Variants in UNC80 observed in about 807,000 individuals in gnomAD.
UNC80 encodes the protein unc-80 subunit of NALCN channel complex.
In UNC80, 164 loss-of-function variants were observed where a neutral mutation model predicts 384.6. That is an observed-to-expected ratio of 0.43 (90% CI 0.38 to 0.49). UNC80 has a LOEUF of 0.49. Ranked by LOEUF, UNC80 falls within the 20% of genes least tolerant of loss-of-function variation. The pLI, the probability that UNC80 is intolerant of heterozygous loss-of-function variation, is 0.00. For missense variants in UNC80, 3,330 were observed against 4,143.0 expected (o/e 0.80, Z 5.39); for synonymous variants, 1,486 against 1,527.8 (o/e 0.97, Z 0.64).
At chr2:209,772,439 G>A (rs1056191365) in intron 1 of UNC80, among the ~76,000 whole-genome samples, 2 of 152,056 alleles carry the variant, frequency 1.3e-5, no homozygotes, top group African/African-American at 2.4e-5. Context: ...CAGAGAGCCT[G>A]GGAAGAGGGG....
At chr2:209,928,101 T>G (rs937337742) in intron 36 of UNC80, among the ~76,000 whole-genome samples, 3 of 152,160 alleles carry the variant, frequency 2.0e-5, no homozygotes, top group Admixed American at 1.3e-4. Flanking sequence ...TTTGGAAGGC[T>G]GAGGCAGGCA....
chr2:209,809,789 C>T (rs1249109316), intron 7 of UNC80, among the ~76,000 whole-genome samples: 1 of 152,338 alleles, frequency 6.6e-6, no homozygotes, highest in East Asian at 1.9e-4. Flanking sequence ...CTTCAGTGGA[C>T]TCTGAAAGAG....
intron 24 of UNC80, among the ~76,000 whole-genome samples, chr2:209,879,366 A>G (rs955270846): frequency 2.4e-4 from 37 of 152,162 alleles, no homozygotes; most frequent in African/African-American, 8.9e-4. Context: ...AGGCCAAAAC[A>G]ACTTGAATCT....
At chr2:209,994,390 T>C (rs1252845674) in intron 64 of UNC80, 126 bp downstream of exon 64, 2 of 789,868 alleles carry the variant, frequency 2.5e-6, no homozygotes, top group Non-Finnish European at 3.8e-6. Flanking sequence ...TCCAAACAGA[T>C]ACTGCTCCTG....
intron 58 of UNC80, among the ~76,000 whole-genome samples, chr2:209,977,493 C>T (rs1291707732): frequency 6.6e-6 from 1 of 152,026 alleles, no homozygotes; most frequent in African/African-American, 2.4e-5. Context: ...TATACAAATA[C>T]CTTCAAGGTA....
At chr2:209,905,345 C>CA (rs935838013) in intron 29 of UNC80, among the ~76,000 whole-genome samples, 2 of 152,118 alleles carry the variant, frequency 1.3e-5, no homozygotes, top group African/African-American at 4.8e-5. Flanking sequence ...GAAAATTTTA[C>CA]AGTGGGCATC....
chr2:209,941,211 G>A lies in UNC80; in HGVS notation c.6647-10G>A, dbSNP rs1020285025. The A allele has an allele frequency of 1.3e-5, 19 of 1,491,904 alleles. No homozygotes were observed. The African/African-American group carries it at 2.4e-4, about 19-fold the overall frequency. 92.4% of individuals were successfully genotyped at this position (1,491,904 alleles called of 1,614,324 possible). A position where few individuals can be genotyped will look rare whatever the true frequency, so the allele number is the denominator to read the frequency against. On this transcript the variant is annotated splice_polypyrimidine_tract_variant and intron_variant, in intron 43 of 64. Coordinates refer to ENST00000673920, the MANE Select transcript of UNC80 (RefSeq NM_001371986.1). ...GCTAATTCTGTCTCTGCTGTTTCAT[G>A]TTCTCACAGCTGGAAAGGAACTGTT...
At chr2:209,838,834 G>A (rs899836506) in intron 18 of UNC80, among the ~76,000 whole-genome samples, 4 of 152,090 alleles carry the variant, frequency 2.6e-5, no homozygotes, top group Non-Finnish European at 5.9e-5. Flanking sequence ...GGTGGCATAC[G>A]CCTGTAGTCC....
rs566009884 is a variant in UNC80 at position 209,978,926 on chromosome 2, A to T, written c.9118+218A>T. ...TTGGTCATTTAAAAAGAATTCAGGG[A>T]AAAAGTAAATATGAATTTGAATACA... On this transcript the variant is annotated intron_variant, in intron 59 of 64. Coordinates refer to ENST00000673920, the MANE Select transcript of UNC80 (RefSeq NM_001371986.1). Among the ~76,000 whole-genome samples the T allele has an allele frequency of 2.6e-5, 4 of 152,350 alleles. No homozygotes were observed. In the South Asian group the frequency reaches 8.3e-4, roughly 32 times the overall value.
chr2:209,781,587 T>A (rs1352866719), intron 4 of UNC80, among the ~76,000 whole-genome samples: 3 of 152,206 alleles, frequency 2.0e-5, no homozygotes, highest in African/African-American at 7.2e-5. Flanking sequence ...TGGTTCTTCT[T>A]GCATCTCTGA....
chr2:209,901,374 C>T (rs1478999796), intron 28 of UNC80, among the ~76,000 whole-genome samples: 3 of 152,026 alleles, frequency 2.0e-5, no homozygotes, highest in South Asian at 2.1e-4. Context: ...AAATAAAGCC[C>T]GGATGACAGC....
At chr2:209,808,951 C>G (rs1458292611) in intron 7 of UNC80, 1 of 314,872 alleles carries the variant, frequency 3.2e-6, no homozygotes, top group Non-Finnish European at 6.1e-6. Flanking sequence ...GCTGCCAACA[C>G]TCATCTGGGA....
At chr2:209,982,453 G>C in intron 60 of UNC80, 136 bp downstream of exon 60, 1 of 1,145,094 alleles carries the variant, frequency 8.7e-7, no homozygotes, top group South Asian at 2.7e-5. Flanking sequence ...ATTCCACAAA[G>C]GATTTGTCAA....
chr2:209,959,626 C>T lies in UNC80; in HGVS notation c.7724C>T (p.Pro2575Leu). ...ACTGAGTTCTATAAGCACTGTGGGC[C>T]ACGGCTGAAGATCTTGCAAAATCTG... is the stretch of plus-strand genomic sequence containing the variant. ...ICTEFYKHCG[P>L]RLKILQNLAG... The change falls in exon 51 of 65, where the codon CCA (proline) becomes CTA (leucine). Residue 2575 changes from proline (P) to leucine (L), a missense_variant. Pro to Leu is a moderately conservative substitution (Grantham distance 98). Around this residue, in one of 8 missense-constraint regions of UNC80, gnomAD observed 1,049 missense variants for 1,488.6 expected, o/e 0.70. Coordinates refer to ENST00000673920, the MANE Select transcript of UNC80 (RefSeq NM_001371986.1). 5 of 1,551,660 alleles carry T rather than the reference C, an allele frequency of 3.2e-6. No homozygotes were observed. The highest frequency in any genetic ancestry group is 4.4e-6 in the Non-Finnish European group (5 of 1,146,988).
Position 209,834,126 on chromosome 2 carries a change from T to G in UNC80, c.2900T>G (p.Val967Gly), listed in dbSNP as rs999727583. The change falls in exon 17 of 65, where the codon GTG (valine) becomes GGG (glycine). Residue 967 changes from valine to glycine, a missense_variant. Physicochemically the swap from Val to Gly is moderately radical, Grantham distance 109 (BLOSUM62 -3). Coordinates refer to ENST00000673920, the MANE Select transcript of UNC80 (RefSeq NM_001371986.1). Reference sequence around the variant, plus strand: ...GAGAAGTTAGCACCAGGGAAAAAGGTGGAGGAGAATGAACAGGAATCTAAG... The same window carrying G: ...GAGAAGTTAGCACCAGGGAAAAAGGGGGAGGAGAATGAACAGGAATCTAAG... ...SAEKLAPGKK[V>G]EENEQESKPA... 1.8e-5 allele frequency: 28 copies of G among 1,551,178 alleles called. No individual in the cohort carries two copies. The highest frequency in any genetic ancestry group is 2.3e-5 in the Non-Finnish European group (26 of 1,146,910).
At position 209,978,628 on chromosome 2, in the gene UNC80, C is replaced by T. The variant is rs1397804759; in HGVS notation, c.9038C>T (p.Thr3013Ile). 26 of 1,551,486 alleles carry T rather than the reference C, an allele frequency of 1.7e-5. 1 individual carries two copies. Among genetic ancestry groups the T allele is most frequent in the Admixed American group, 3.9e-5 (2 of 50,976 alleles). The part of the protein sequence containing the change: ...TMSRSNTGTG[T>I]VWEQDSEPSQ... ...TCCCGCTCTAACACGGGCACGGGCA[C>T]TGTCTGGGAGCAGGACAGTGAGCCA... Residue 3013 changes from threonine (T) to isoleucine (I), a missense_variant, in exon 59 of 65, where the codon ACT becomes ATT. Physicochemically the swap from Thr to Ile is moderately conservative, Grantham distance 89. This residue lies in a region of UNC80 where 216 missense variants were observed against 245.3 expected (regional missense o/e 0.88). Transcript: ENST00000673920.
chr2:209,965,934 C>CAAA lies in UNC80; in HGVS notation c.7806-1488_7806-1486dup, dbSNP rs112429893. Among the ~76,000 whole-genome samples, 253 of 125,818 alleles carry CAAA rather than the reference C, an allele frequency of 2.0e-3. 1 individual carries two copies. The highest frequency in any genetic ancestry group is 6.8e-3 in the African/African-American group (241 of 35,372). The allele number at this position is 125,818 out of a possible 152,430, so 82.5% of individuals were successfully genotyped here. A position where few individuals can be genotyped will look rare whatever the true frequency, so the allele number is the denominator to read the frequency against. On this transcript the variant is annotated intron_variant, in intron 51 of 64. Transcript: ENST00000673920. ...GAGCTTTTCCAGTACAAACTTGTCT[C>CAAA]AAAAAAAAAAAAAAAAATCTTATTT... is the stretch of plus-strand genomic sequence containing the variant.
rs2093032018 is a variant in UNC80, at chr2:209,977,043, TA to T, written c.8908del (p.Ile2970PhefsTer2). The T allele has an allele frequency of 6.6e-7, 1 of 1,522,404 alleles. No individual in the cohort carries two copies. The highest frequency in any genetic ancestry group is 1.4e-5 in the African/African-American group (1 of 72,754). The allele number at this position is 1,522,404 out of a possible 1,614,324, so 94.3% of individuals were successfully genotyped here. On this transcript the variant is annotated frameshift_variant, in exon 58 of 65. Coordinates refer to ENST00000673920, the MANE Select transcript of UNC80 (RefSeq NM_001371986.1). LOFTEE classifies it high-confidence loss of function. ...SSLIAEFNSE[L>X]KILKEAVHSG... The stretch of plus-strand genomic sequence containing the variant: ...CTCATTGCTGAGTTCAACAGTGAAC[TA>T]AAAATTCTAAAAGAGGCAGTTCATA...
chr2:209,839,342 G>T lies in UNC80; in HGVS notation c.3162G>T (p.Thr1054=). 4 of 1,551,838 alleles carry T rather than the reference G, an allele frequency of 2.6e-6. No homozygotes were observed. The highest frequency in any genetic ancestry group is 3.5e-6 in the Non-Finnish European group (4 of 1,147,032). Residue 1054 remains threonine (T), a synonymous_variant, in exon 19 of 65, where the codon ACG becomes ACT. Coordinates refer to ENST00000673920, the MANE Select transcript of UNC80 (RefSeq NM_001371986.1). This position sits in a 1 kb window ranked among gnomAD's most constrained non-coding sequence, Gnocchi z 4.1. The part of the protein sequence containing the change: ...SQSEQDTSEC[T]TAHSGTTSDR... ...CTGAACAGGACACTTCAGAATGCAC[G>T]ACTGCCCACTCAGGGACCACCTCTG... is the stretch of plus-strand genomic sequence containing the variant.
Sources: gnomAD v4.1 joint callset for allele counts (sites outside exome capture counted in the v4.1 genomes callset) on GRCh38, gnomAD v4.1.1 for gene constraint, gnomAD v4.1.1 regional missense constraint, Gnocchi (gnomAD v3.1) non-coding constraint, MANE v1.5 for transcripts, NCBI Gene and HGNC (gene_info 2026-07-23, HGNC 2026-07-21) for gene names.